The following ATP11A variants were observed in gnomAD, a reference collection of about 807,000 sequenced individuals.
ATP11A encodes ATPase phospholipid transporting 11A, also known as phospholipid-transporting ATPase IH.
In ATP11A, 81 loss-of-function variants were observed where a neutral mutation model predicts 154.4. That is an observed-to-expected ratio of 0.52 (90% CI 0.44 to 0.63). The LOEUF (loss-of-function observed/expected upper bound fraction) is 0.63. ATP11A is among the 30% of genes least tolerant of loss of function. The pLI, the probability that ATP11A is intolerant of heterozygous loss-of-function variation, is 0.00. For missense variants in ATP11A, 1,316 were observed against 1,474.3 expected (o/e 0.89, Z 1.76); for synonymous variants, 623 against 585.9 (o/e 1.06, Z -0.91).
chr13:112,855,961 T>C lies in ATP11A; in HGVS notation c.2294T>C (p.Leu765Pro). The C allele has an allele frequency of 6.2e-7, 1 of 1,614,220 alleles. No individual in the cohort carries two copies. The highest frequency in any genetic ancestry group is 8.5e-7 in the Non-Finnish European group (1 of 1,180,016). ...DYGLIIDGAA[L>P]SLIMKPREDG... ...GGTTTAATTATCGACGGAGCTGCAC[T>C]GTCTCTGATAATGAAGCCTCGAGAA... The change falls in exon 20 of 30, where the codon CTG becomes CCG. Residue 765 changes from leucine (L) to proline (P), a missense_variant. Physicochemically the swap from Leu to Pro is moderately conservative, Grantham distance 98. This residue lies in a region of ATP11A where 876 missense variants were observed against 1,006.8 expected (regional missense o/e 0.87). Coordinates refer to ENST00000375645, the MANE Select transcript of ATP11A (RefSeq NM_015205.3).
chr13:112,737,865 G>A (rs1286173203), intron 1 of ATP11A, among the ~76,000 whole-genome samples: 1 of 152,148 alleles, frequency 6.6e-6, no homozygotes, highest in Non-Finnish European at 1.5e-5. Flanking sequence ...TCCATAACTG[G>A]CCTCTCTGCT....
At chr13:112,845,831 A>T (rs111720120) in intron 17 of ATP11A, among the ~76,000 whole-genome samples, 15 of 135,412 alleles carry the variant, frequency 1.1e-4, no homozygotes, top group African/African-American at 3.9e-4. Context: ...AGTTGCCGGC[A>T]CTAGCAGTAC....
chr13:112,824,304 C>G lies in ATP11A; in HGVS notation c.791-40C>G, dbSNP rs1196006382. On this transcript the variant is annotated intron_variant, in intron 9 of 29. Transcript: ENST00000375645. ...GTAACTCACCATAAGGCAAGACACACTTGCGCCCTGGTCATCACCCTTGCT... is the reference window on the plus strand; with the variant it reads ...GTAACTCACCATAAGGCAAGACACAGTTGCGCCCTGGTCATCACCCTTGCT... The G allele has an allele frequency of 2.0e-6, 3 of 1,528,398 alleles. No individual in the cohort carries two copies. In the Admixed American group the frequency reaches 5.0e-5, roughly 26 times the overall value. 94.7% of individuals were successfully genotyped at this position (1,528,398 alleles called of 1,614,324 possible). A position where few individuals can be genotyped will look rare whatever the true frequency, so the allele number is the denominator to read the frequency against.
intron 1 of ATP11A, among the ~76,000 whole-genome samples, chr13:112,708,111 A>T (rs1046848720): frequency 1.3e-5 from 2 of 152,106 alleles, no homozygotes; most frequent in African/African-American, 4.8e-5. Flanking sequence ...CGCCATATTC[A>T]CCTGACCTCT....
chr13:112,876,293 C>T (rs2080722341), intron 28 of ATP11A, among the ~76,000 whole-genome samples: 1 of 152,054 alleles, frequency 6.6e-6, no homozygotes, highest in Non-Finnish European at 1.5e-5. Context: ...GTAAATCTGG[C>T]TGGAAACGGT....
chr13:112,860,245 C>T (rs748454306), intron 23 of ATP11A, 42 bp from the exon 24 acceptor site: 10 of 1,585,930 alleles, frequency 6.3e-6, no homozygotes, highest in African/African-American at 1.4e-5. Context: ...AAGTTTGTAA[C>T]AATGCACTGA....
intron 1 of ATP11A, among the ~76,000 whole-genome samples, chr13:112,755,674 G>A (rs2076806029): frequency 6.7e-6 from 1 of 149,940 alleles, no homozygotes; most frequent in Admixed American, 6.6e-5. Flanking sequence ...AATCAGAGCG[G>A]CTCCCAGAAC....
chr13:112,870,201 G>T (rs948823019), intron 25 of ATP11A, among the ~76,000 whole-genome samples: 2 of 152,162 alleles, frequency 1.3e-5, no homozygotes, highest in Non-Finnish European at 2.9e-5. Context: ...CCTAAGAAGC[G>T]GTGTTCACTA....
At chr13:112,720,893 T>C (rs1008577800) in intron 1 of ATP11A, among the ~76,000 whole-genome samples, 11 of 152,172 alleles carry the variant, frequency 7.2e-5, no homozygotes, top group African/African-American at 2.7e-4. Flanking sequence ...GCCAGGCGTG[T>C]TCAACCTCCC....
At chr13:112,742,874 G>C (rs1279628208) in intron 1 of ATP11A, among the ~76,000 whole-genome samples, 1 of 152,182 alleles carries the variant, frequency 6.6e-6, no homozygotes, top group African/African-American at 2.4e-5. Context: ...TGTGTAGCGA[G>C]ACTTTCTGCA....
At chr13:112,789,116 T>A (rs949139642) in intron 2 of ATP11A, among the ~76,000 whole-genome samples, 2 of 148,546 alleles carry the variant, frequency 1.3e-5, no homozygotes, top group Non-Finnish European at 3.0e-5. Flanking sequence ...TGTCCTGATG[T>A]ATAGACCCTT....
chr13:112,857,072 G>C (rs942332676), intron 20 of ATP11A, among the ~76,000 whole-genome samples: 1 of 152,148 alleles, frequency 6.6e-6, no homozygotes, highest in African/African-American at 2.4e-5. Flanking sequence ...TTTGCCATTC[G>C]CTCTTCATGT....
chr13:112,845,540 T>TA (rs2079565390), intron 17 of ATP11A, among the ~76,000 whole-genome samples: 1 of 123,860 alleles, frequency 8.1e-6, no homozygotes, highest in African/African-American at 3.7e-5. Context: ...CCAGTCCAGT[T>TA]GCTGGCACTA....
At chr13:112,868,311 G>A (rs187800560) in intron 25 of ATP11A, among the ~76,000 whole-genome samples, 41 of 152,348 alleles carry the variant, frequency 2.7e-4, no homozygotes, top group Middle Eastern at 3.4e-3. Flanking sequence ...TTGAGAAGGC[G>A]CAAGTTATGC....
At chr13:112,793,255 G>A (rs571306974) in intron 2 of ATP11A, among the ~76,000 whole-genome samples, 29 of 152,260 alleles carry the variant, frequency 1.9e-4, no homozygotes, top group African/African-American at 6.7e-4. Context: ...AGGCTGGAGT[G>A]CAATGGTGCG....
intron 1 of ATP11A, among the ~76,000 whole-genome samples, chr13:112,780,942 G>T (rs1019601836): frequency 6.6e-5 from 10 of 152,126 alleles, no homozygotes; most frequent in Non-Finnish European, 1.0e-4. Context: ...AGAGGCTGGG[G>T]TCTCCATCCT....
intron 2 of ATP11A, among the ~76,000 whole-genome samples, chr13:112,797,836 G>T (rs1449150466): frequency 1.3e-5 from 2 of 152,220 alleles, no homozygotes; most frequent in African/African-American, 2.4e-5. Flanking sequence ...TAGGAAAGAA[G>T]AACACAGCAC....
intron 17 of ATP11A, among the ~76,000 whole-genome samples, chr13:112,846,526 G>A (rs529515733): frequency 5.3e-5 from 8 of 152,212 alleles, no homozygotes; most frequent in East Asian, 3.9e-4. Flanking sequence ...TAACGATTGC[G>A]GTGACTGTTT....
At chr13:112,874,157 C>G (rs2080639456) in intron 27 of ATP11A, among the ~76,000 whole-genome samples, 1 of 152,210 alleles carries the variant, frequency 6.6e-6, no homozygotes, top group African/African-American at 2.4e-5. Flanking sequence ...CATGGTGGGG[C>G]TGGACCTTGC....
Sources: gnomAD v4.1 joint callset for allele counts (sites outside exome capture counted in the v4.1 genomes callset) on GRCh38, gnomAD v4.1.1 for gene constraint, gnomAD v4.1.1 regional missense constraint, MANE v1.5 for transcripts, NCBI Gene and HGNC (gene_info 2026-07-23, HGNC 2026-07-21) for gene names.